SPAG16: variants seen among roughly 807,000 people sequenced by gnomAD.
SPAG16 encodes the protein sperm associated antigen 16, also known as sperm-associated antigen 16 protein.
Under a neutral mutation model 80.4 loss-of-function variants are expected in SPAG16, and 86 were observed. The ratio of observed to expected loss-of-function variants is 1.07; its 90% CI spans 0.90 to 1.28. The LOEUF (loss-of-function observed/expected upper bound fraction) is 1.28. Among genes scored for constraint, SPAG16 ranks in the 50% most tolerant of loss-of-function variants. The pLI, the probability that SPAG16 is intolerant of heterozygous loss-of-function variation, is 0.00. For missense variants in SPAG16, 870 were observed against 765.3 expected (o/e 1.14, Z -1.61); for synonymous variants, 294 against 265.9 (o/e 1.11, Z -1.03).
intron 10 of SPAG16, among the ~76,000 whole-genome samples, chr2:213,579,197 A>T (rs1017927419): frequency 5.9e-5 from 9 of 152,098 alleles, no homozygotes; most frequent in African/African-American, 1.7e-4. Flanking sequence ...TCATCTCTTT[A>T]TAACTTTTGT....
intron 9 of SPAG16, among the ~76,000 whole-genome samples, chr2:213,415,363 C>T (rs2069192387): frequency 6.6e-6 from 1 of 152,196 alleles, no homozygotes; most frequent in Admixed American, 6.5e-5. Flanking sequence ...GGTACTTCCT[C>T]AAATTCCAAC....
chr2:213,620,560 G>T (rs2061745874), intron 10 of SPAG16, among the ~76,000 whole-genome samples: 1 of 151,964 alleles, frequency 6.6e-6, no homozygotes, highest in Admixed American at 6.6e-5. Flanking sequence ...CTAAAGTGCT[G>T]GGATTACAGG....
intron 7 of SPAG16, among the ~76,000 whole-genome samples, chr2:213,353,717 ACTT>A (rs1159379186): frequency 2.6e-5 from 4 of 151,760 alleles, no homozygotes; most frequent in African/African-American, 9.7e-5. Context: ...AACTCTTTTC[ACTT>A]CTTTGTTCTA....
intron 10 of SPAG16, among the ~76,000 whole-genome samples, chr2:213,609,846 G>A (rs560767097): frequency 2.0e-5 from 3 of 152,158 alleles, no homozygotes; most frequent in South Asian, 4.2e-4. Flanking sequence ...GTGTATGCAG[G>A]TGTATTTTAT....
chr2:213,361,744 G>A (rs1201494228), intron 7 of SPAG16, among the ~76,000 whole-genome samples: 1 of 151,000 alleles, frequency 6.6e-6, no homozygotes, highest in Non-Finnish European at 1.5e-5. Flanking sequence ...GCAGAGGTTG[G>A]TGGATCCCCA....
chr2:213,523,238 T>C (rs1000380740), intron 10 of SPAG16, among the ~76,000 whole-genome samples: 1 of 152,160 alleles, frequency 6.6e-6, no homozygotes, highest in Non-Finnish European at 1.5e-5. Flanking sequence ...TTCCCCCTTT[T>C]GCTTGGCAAT....
intron 9 of SPAG16, among the ~76,000 whole-genome samples, chr2:213,470,233 C>T (rs1284774101): frequency 1.3e-5 from 2 of 152,138 alleles, no homozygotes; most frequent in Non-Finnish European, 2.9e-5. Context: ...TTTTATCAGT[C>T]CAGCTGCTTC....
chr2:213,477,601 G>A (rs2073486209), intron 9 of SPAG16, among the ~76,000 whole-genome samples: 1 of 152,208 alleles, frequency 6.6e-6, no homozygotes, highest in African/African-American at 2.4e-5. Flanking sequence ...CATGGGGCCT[G>A]TAGCCCCTTT....
chr2:214,007,332 G>T (rs184780991), intron 12 of SPAG16, among the ~76,000 whole-genome samples: 1 of 151,216 alleles, frequency 6.6e-6, no homozygotes, highest in Non-Finnish European at 1.5e-5. Flanking sequence ...ATGGTGGCTC[G>T]TGCCTGCAAT....
chr2:213,921,038 T>A (rs1231366900), intron 11 of SPAG16, among the ~76,000 whole-genome samples: 1 of 152,178 alleles, frequency 6.6e-6, no homozygotes, highest in Admixed American at 6.5e-5. Flanking sequence ...TAGGAATTAG[T>A]CCCCTGCCTG....
chr2:214,378,610 AG>A (rs984242650), intron 15 of SPAG16, among the ~76,000 whole-genome samples: 2 of 152,210 alleles, frequency 1.3e-5, no homozygotes, highest in Non-Finnish European at 2.9e-5. Flanking sequence ...TGCACTAATC[AG>A]GACCCATCCC....
chr2:213,621,557 G>T (rs2061786916), intron 10 of SPAG16, among the ~76,000 whole-genome samples: 1 of 152,096 alleles, frequency 6.6e-6, no homozygotes, highest in African/African-American at 2.4e-5. Context: ...GGTTGATAGA[G>T]GGAGATAGGA....
chr2:214,054,952 C>G (rs1462408687), intron 13 of SPAG16, among the ~76,000 whole-genome samples: 1 of 152,118 alleles, frequency 6.6e-6, no homozygotes, highest in African/African-American at 2.4e-5. Context: ...ACACTAATTC[C>G]TTTGCCCTAA....
chr2:213,899,870 A>T (rs899571968), intron 11 of SPAG16, among the ~76,000 whole-genome samples: 2 of 152,112 alleles, frequency 1.3e-5, no homozygotes, highest in East Asian at 1.9e-4. Context: ...ATAATTATTT[A>T]AAAAATATTG....
At chr2:214,030,502 T>C (rs1001333734) in intron 13 of SPAG16, among the ~76,000 whole-genome samples, 2 of 152,172 alleles carry the variant, frequency 1.3e-5, no homozygotes, top group African/African-American at 4.8e-5. Context: ...ATCTTGTCAA[T>C]TAATATTTTA....
At chr2:213,430,684 C>G (rs1489703934) in intron 9 of SPAG16, among the ~76,000 whole-genome samples, 2 of 152,102 alleles carry the variant, frequency 1.3e-5, no homozygotes, top group Non-Finnish European at 2.9e-5. Context: ...GAAAACTTCA[C>G]TAGGCTAGCA....
At chr2:214,024,798 G>T (rs575762210) in intron 13 of SPAG16, among the ~76,000 whole-genome samples, 4 of 151,548 alleles carry the variant, frequency 2.6e-5, no homozygotes, top group Non-Finnish European at 5.9e-5. Context: ...ATGTTTTTTT[G>T]ACTTATTTGA....
intron 4 of SPAG16, among the ~76,000 whole-genome samples, chr2:213,313,491 A>G (rs2063285865): frequency 6.6e-6 from 1 of 151,826 alleles, no homozygotes; most frequent in Admixed American, 6.6e-5. Context: ...GAAAGGGGAT[A>G]GGGAGATTAG....
intron 15 of SPAG16, among the ~76,000 whole-genome samples, chr2:214,272,172 A>G (rs944724932): frequency 6.6e-6 from 1 of 152,150 alleles, no homozygotes; most frequent in South Asian, 2.1e-4. Context: ...TTTCCTTTTT[A>G]ACATGATATA....
Sources: allele counts gnomAD v4.1 joint callset (sites outside exome capture counted in the v4.1 genomes callset), GRCh38; gene constraint gnomAD v4.1.1; transcripts MANE v1.5; gene names NCBI Gene and HGNC (gene_info 2026-07-23, HGNC 2026-07-21).